CT45A1: variants seen among roughly 807,000 people sequenced by gnomAD.
CT45A1 encodes cancer/testis antigen 45-1.
At chrX:135,712,792 A>T (rs1427618920), upstream of CT45A1, among the ~76,000 whole-genome samples, 2 of 110,648 alleles carry the variant, frequency 1.8e-5, no homozygotes, top group East Asian at 5.7e-4. Context: ...GGCCTCCCAA[A>T]GTGCTGAGAT....
Position 135,713,672 on chromosome X carries a change from C to G in CT45A1, c.-25C>G. On this transcript the variant is annotated 5_prime_UTR_variant, in exon 1 of 5. Coordinates refer to ENST00000594565, the MANE Select transcript of CT45A1 (RefSeq NM_001017417.3). ...TTCACTGCCATTTTGTGAGGTGCTG[C>G]TGTCTCTCCTCCAGCAAGGTCAGGA... 1.3e-6 allele frequency: 1 copy of G among 751,540 alleles called. No individual in the cohort carries two copies. The highest frequency in any genetic ancestry group is 1.6e-6 in the Non-Finnish European group (1 of 637,112). The allele number at this position is 751,540 out of a possible 1,213,427, so 61.9% of individuals were successfully genotyped here. A position where few individuals can be genotyped will look rare whatever the true frequency, so the allele number is the denominator to read the frequency against.
At chrX:135,713,087 G>C (rs1404343958), upstream of CT45A1, among the ~76,000 whole-genome samples, 1 of 93,312 alleles carries the variant, frequency 1.1e-5, no homozygotes, top group Non-Finnish European at 2.1e-5. Flanking sequence ...GGCCAGGCTG[G>C]AGTACGGTGG....
chrX:135,711,046 G>T (rs2087931001), upstream of CT45A1, among the ~76,000 whole-genome samples: 1 of 111,526 alleles, frequency 9.0e-6, no homozygotes, highest in Admixed American at 9.5e-5. Flanking sequence ...TGTCCTTCAG[G>T]GCTGTCCCAG....
At chrX:135,710,503 T>C (rs2087928403), upstream of CT45A1, 1 of 112,296 alleles carries the variant, frequency 8.9e-6, no homozygotes, top group Non-Finnish European at 1.9e-5. Context: ...TACCAACTAG[T>C]GGCTGGCAGA....
upstream of CT45A1, among the ~76,000 whole-genome samples, chrX:135,711,140 ATGG>A (rs1445969145): frequency 9.0e-6 from 1 of 111,542 alleles, no homozygotes; most frequent in African/African-American, 3.3e-5. Flanking sequence ...TTCCAGTCTC[ATGG>A]TTATTCAATC....
upstream of CT45A1, among the ~76,000 whole-genome samples, chrX:135,713,255 C>T (rs1249910619): frequency 3.9e-5 from 4 of 103,789 alleles, no homozygotes; most frequent in East Asian, 3.0e-4. Context: ...TCTGTAGAGC[C>T]GGGGTCTCAC....
intron 1 of CT45A1, among the ~76,000 whole-genome samples, chrX:135,718,128 G>C (rs1361900462): frequency 1.8e-5 from 2 of 111,946 alleles, no homozygotes; most frequent in Non-Finnish European, 3.8e-5. Flanking sequence ...TTTAAACATT[G>C]ACCATGTATG....
chrX:135,712,937 T>TTTTCTTTTTCTTTCTTTC (rs1556570065), upstream of CT45A1, among the ~76,000 whole-genome samples: 14 of 69,543 alleles, frequency 2.0e-4, no homozygotes, highest in African/African-American at 8.1e-4. Flanking sequence ...TCTTTTCTTT[T>TTTTCTTTTTCTTTCTTTC]TTTCTTTCTT....
intron 1 of CT45A1, 111 bp downstream of exon 1, chrX:135,713,801 T>C (rs1299220840): frequency 4.1e-5 from 22 of 534,685 alleles, no homozygotes; most frequent in African/African-American, 7.7e-5. Context: ...GTTCTCTGTC[T>C]GGTGTGTGGT....
At chrX:135,718,041 T>A (rs1480419715) in intron 1 of CT45A1, among the ~76,000 whole-genome samples, 2 of 111,965 alleles carry the variant, frequency 1.8e-5, no homozygotes, top group African/African-American at 6.5e-5. Context: ...ATTTAAAAAT[T>A]TTTTGTACAT....
chrX:135,718,596 C>T (rs2353541), intron 1 of CT45A1, among the ~76,000 whole-genome samples: 1 of 110,217 alleles, frequency 9.1e-6, no homozygotes, highest in Non-Finnish European at 1.9e-5. Context: ...GTTTATACAG[C>T]TATTTTTCCT....
chrX:135,711,614 T>A (rs1455563183), upstream of CT45A1, among the ~76,000 whole-genome samples: 1 of 110,808 alleles, frequency 9.0e-6, no homozygotes, highest in Non-Finnish European at 1.9e-5. Context: ...TTTTAATTTT[T>A]TTTTTACAAA....
chrX:135,717,422 G>A (rs1158271511), intron 1 of CT45A1, among the ~76,000 whole-genome samples: 3 of 110,537 alleles, frequency 2.7e-5, no homozygotes, highest in South Asian at 3.9e-4. Context: ...TGTGGCAGGC[G>A]CCTGTAATCT....
chrX:135,708,681 A>T (rs2087919899), upstream of CT45A1, among the ~76,000 whole-genome samples: 1 of 111,399 alleles, frequency 9.0e-6, no homozygotes, highest in Non-Finnish European at 1.9e-5. Flanking sequence ...TTCCTTATTT[A>T]GTGGTAAGAA....
upstream of CT45A1, among the ~76,000 whole-genome samples, chrX:135,711,418 A>G (rs1204661685): frequency 9.0e-6 from 1 of 111,026 alleles, no homozygotes; most frequent in African/African-American, 3.3e-5. Context: ...CTTAACAAAC[A>G]TAATTTTTAA....
chrX:135,713,011 C>CTCTCTT (rs782125133), upstream of CT45A1, among the ~76,000 whole-genome samples: 16 of 60,396 alleles, frequency 2.6e-4, 1 homozygote, highest in African/African-American at 7.0e-4. Flanking sequence ...CTCTCTCTCT[C>CTCTCTT]TCTTTCTTTC....
chrX:135,710,208 T>A (rs1268587871), upstream of CT45A1: 1 of 111,999 alleles, frequency 8.9e-6, no homozygotes, highest in Non-Finnish European at 1.9e-5. Context: ...TAAATAGAGT[T>A]TCTGGAAACA....
chrX:135,715,021 A>G (rs1461537354), intron 1 of CT45A1, among the ~76,000 whole-genome samples: 1 of 106,963 alleles, frequency 9.3e-6, no homozygotes, highest in African/African-American at 3.4e-5. Context: ...ATATATGTAC[A>G]TATATAAAAA....
chrX:135,717,049 TA>T (rs782210422), intron 1 of CT45A1, among the ~76,000 whole-genome samples: 1 of 111,449 alleles, frequency 9.0e-6, no homozygotes, highest in African/African-American at 3.3e-5. Context: ...TCTACTAACT[TA>T]GTTCTTTTTC....
Sources: allele counts gnomAD v4.1 joint callset (sites outside exome capture counted in the v4.1 genomes callset), GRCh38; gene constraint gnomAD v4.1.1; transcripts MANE v1.5; gene names NCBI Gene and HGNC (gene_info 2026-07-23, HGNC 2026-07-21).